Variants in SEMA6D observed in about 807,000 individuals in gnomAD.
SEMA6D encodes semaphorin 6D.
In SEMA6D, 35 loss-of-function variants were observed where a neutral mutation model predicts 106.6. That is an observed-to-expected ratio of 0.33 (90% CI 0.25 to 0.44). The LOEUF (loss-of-function observed/expected upper bound fraction) is 0.44. Ranked by LOEUF, SEMA6D falls within the 20% of genes least tolerant of loss-of-function variation. The probability of loss-of-function intolerance (pLI) is 1.00; values close to 1 mark genes in which losing one functional copy is unlikely to be tolerated. For synonymous variants in SEMA6D, 499 were observed against 487.7 expected (o/e 1.02, Z -0.31); for missense variants, 1,185 against 1,345.9 (o/e 0.88, Z 1.87).
chr15:47,577,630 A>T (rs919172678), intron 3 of SEMA6D, among the ~76,000 whole-genome samples: 8 of 152,170 alleles, frequency 5.3e-5, no homozygotes, highest in African/African-American at 1.9e-4. Flanking sequence ...CAGTCCAGGG[A>T]GGATGGTGGG....
rs1036829586 is a variant in SEMA6D at position 47,526,348 on chromosome 15, G to T, written c.-87+55803G>T. On this transcript the variant is annotated intron_variant, in intron 3 of 19. Transcript: ENST00000558014. ...GAGAGAAGGAAAGCTGGAAAGGGGG[G>T]TCCTTTTTGGGGGCTGAATACCGAA... Among the ~76,000 whole-genome samples, 3 of 152,150 alleles carry T rather than the reference G, an allele frequency of 2.0e-5. 1 individual carries two copies. The highest frequency in any genetic ancestry group is 4.1e-4 in the South Asian group (2 of 4,828).
intron 4 of SEMA6D, among the ~76,000 whole-genome samples, chr15:47,629,420 C>G (rs1172612682): frequency 6.6e-6 from 1 of 151,840 alleles, no homozygotes; most frequent in Admixed American, 6.6e-5. Flanking sequence ...TGGTATGTCT[C>G]TAGATTTAAG....
At chr15:47,704,454 C>T (rs1243034454) in intron 4 of SEMA6D, among the ~76,000 whole-genome samples, 1 of 152,184 alleles carries the variant, frequency 6.6e-6, no homozygotes. Context: ...AACAGCAGCT[C>T]ACGCCTGTAA....
chr15:47,735,712 G>A (rs993301381), intron 1 of SEMA6D, among the ~76,000 whole-genome samples: 6 of 152,196 alleles, frequency 3.9e-5, no homozygotes, highest in East Asian at 1.9e-4. Flanking sequence ...CCGCCTAAAC[G>A]TTTGCATCAT....
At chr15:47,507,001 G>A (rs761709427) in intron 3 of SEMA6D, among the ~76,000 whole-genome samples, 30 of 152,130 alleles carry the variant, frequency 2.0e-4, no homozygotes, top group Non-Finnish European at 3.4e-4. Flanking sequence ...AAAAGGAAGC[G>A]CTGCCTGAGC....
At chr15:47,492,624 G>T (rs1207694807) in intron 3 of SEMA6D, among the ~76,000 whole-genome samples, 1 of 152,070 alleles carries the variant, frequency 6.6e-6, no homozygotes, top group Non-Finnish European at 1.5e-5. Context: ...AGAACACTCT[G>T]GAAATACCTT....
chr15:47,482,533 A>C (rs967544865), intron 3 of SEMA6D, among the ~76,000 whole-genome samples: 1 of 152,146 alleles, frequency 6.6e-6, no homozygotes, highest in African/African-American at 2.4e-5. Context: ...ATGATACAAC[A>C]AGGGCCATTA....
rs999492319 is a variant in SEMA6D at position 47,620,533 on chromosome 15, T to A, written c.-55+19637T>A. On this transcript the variant is annotated intron_variant, in intron 4 of 19. Transcript: ENST00000558014. ...CTCTGGTGACTTATTGATCTGGTCC[T>A]GGGATATTTTTTAAAAAGCAAATCA... Among the ~76,000 whole-genome samples the A allele has an allele frequency of 1.1e-4, 16 of 152,282 alleles. No homozygotes were observed. In the East Asian group the frequency reaches 2.1e-3, roughly 20 times the overall value.
chr15:47,279,322 CTGTT>C (rs1209154196), intron 1 of SEMA6D, among the ~76,000 whole-genome samples: 1 of 115,292 alleles, frequency 8.7e-6, no homozygotes, highest in African/African-American at 4.1e-5. Context: ...ATTTGGCTCT[CTGTT>C]TGTCTGTTAT....
At chr15:47,563,486 T>C (rs1211389900) in intron 3 of SEMA6D, among the ~76,000 whole-genome samples, 1 of 152,008 alleles carries the variant, frequency 6.6e-6, no homozygotes, top group Non-Finnish European at 1.5e-5. Flanking sequence ...TCTTCCTACC[T>C]CCCCCCATCT....
At chr15:47,396,298 G>A (rs917657167) in intron 1 of SEMA6D, 15 of 137,948 alleles carry the variant, frequency 1.1e-4, no homozygotes, top group Non-Finnish European at 2.4e-4. Context: ...AGATTTAACA[G>A]AATAGATATA....
intron 1 of SEMA6D, among the ~76,000 whole-genome samples, chr15:47,323,623 G>A (rs2037010723): frequency 6.6e-6 from 1 of 152,108 alleles, no homozygotes; most frequent in Admixed American, 6.5e-5. Flanking sequence ...TCTGAAACTG[G>A]CAGCTTGATT....
At chr15:47,508,797 A>G (rs1596191804) in intron 3 of SEMA6D, among the ~76,000 whole-genome samples, 1 of 152,240 alleles carries the variant, frequency 6.6e-6, no homozygotes, top group East Asian at 1.9e-4. Context: ...TCCATTTCTT[A>G]CGAGCTTTGT....
rs562787792 is a variant in SEMA6D at position 47,609,892 on chromosome 15, C to T, written c.-55+8996C>T. The stretch of plus-strand genomic sequence containing the variant: ...CCACTGCCTGCCACTGCCCCTGTGG[C>T]TTCAGCAGCCCTGCTGCCTTTTGCA... On this transcript the variant is annotated intron_variant, in intron 4 of 19. Coordinates refer to the SEMA6D transcript ENST00000558014. Among the ~76,000 whole-genome samples, 5 of 152,324 alleles carry T rather than the reference C, an allele frequency of 3.3e-5. No homozygotes were observed. The East Asian group carries it at 9.7e-4, about 30-fold the overall frequency.
intron 3 of SEMA6D, among the ~76,000 whole-genome samples, chr15:47,599,665 G>T (rs2076605826): frequency 6.6e-6 from 1 of 151,880 alleles, no homozygotes; most frequent in Non-Finnish European, 1.5e-5. Context: ...TCCAGACCTT[G>T]TTTTTCTTTT....
intron 2 of SEMA6D, among the ~76,000 whole-genome samples, chr15:47,450,576 T>C (rs10163066): frequency 6.6e-6 from 1 of 152,112 alleles, no homozygotes; most frequent in African/African-American, 2.4e-5. Flanking sequence ...CTCAGTTTTA[T>C]GGGCTTTTCA....
chr15:47,753,783 G>A (rs1443324982), intron 1 of SEMA6D, among the ~76,000 whole-genome samples: 2 of 152,172 alleles, frequency 1.3e-5, no homozygotes, highest in Non-Finnish European at 2.9e-5. Flanking sequence ...AGATCATGGA[G>A]GCCAAAGGTC....
At chr15:47,462,709 A>C (rs553063501) in intron 2 of SEMA6D, among the ~76,000 whole-genome samples, 1 of 152,090 alleles carries the variant, frequency 6.6e-6, no homozygotes, top group Non-Finnish European at 1.5e-5. Context: ...GCCATAGCGA[A>C]TTGTGATTAC....
At chr15:47,480,065 C>G (rs1282096756) in intron 3 of SEMA6D, among the ~76,000 whole-genome samples, 1 of 151,194 alleles carries the variant, frequency 6.6e-6, no homozygotes, top group Non-Finnish European at 1.5e-5. Flanking sequence ...ATTTTGTTGC[C>G]TAGCCTAGTC....
Sources: gnomAD v4.1 joint callset for allele counts (sites outside exome capture counted in the v4.1 genomes callset) on GRCh38, gnomAD v4.1.1 for gene constraint, MANE v1.5 for transcripts, NCBI Gene and HGNC (gene_info 2026-07-23, HGNC 2026-07-21) for gene names.